The following ARHGEF28 variants were observed in gnomAD, a reference collection of about 807,000 sequenced individuals.
The protein encoded by ARHGEF28 is 190 kDa guanine nucleotide exchange factor.
A neutral mutation model predicts 206.6 loss-of-function variants in ARHGEF28; 152 were observed. The ratio of observed to expected loss-of-function variants is 0.74; its 90% CI spans 0.64 to 0.84. ARHGEF28 has a LOEUF of 0.84. ARHGEF28 is among the 40% of genes least tolerant of loss of function. ARHGEF28 has a pLI of 0.00. For missense variants in ARHGEF28, 2,028 were observed against 2,073.2 expected, an observed-to-expected ratio of 0.98 and a Z score of 0.42; for synonymous variants, 763 against 776.4, an observed-to-expected ratio of 0.98 and a Z score of 0.29.
chr5:73,797,649 G>T (rs1424235187), intron 9 of ARHGEF28, among the ~76,000 whole-genome samples: 1 of 152,132 alleles, frequency 6.6e-6, no homozygotes, highest in Admixed American at 6.5e-5. Flanking sequence ...CTCCTAAAGT[G>T]CTGGGATTAC....
At chr5:73,822,535 G>C (rs772086034) in intron 9 of ARHGEF28, among the ~76,000 whole-genome samples, 3 of 152,170 alleles carry the variant, frequency 2.0e-5, no homozygotes, top group Non-Finnish European at 2.9e-5. Context: ...ACTCAGAAGA[G>C]TATGGCCAAG....
intron 2 of ARHGEF28, among the ~76,000 whole-genome samples, chr5:73,707,166 C>T (rs937384698): frequency 2.6e-5 from 4 of 152,164 alleles, no homozygotes; most frequent in South Asian, 4.2e-4. Flanking sequence ...CTACCCTACG[C>T]GAGCAGCTGG....
At chr5:73,690,589 T>C (rs1747761083) in intron 2 of ARHGEF28, among the ~76,000 whole-genome samples, 1 of 149,122 alleles carries the variant, frequency 6.7e-6, no homozygotes, top group South Asian at 2.1e-4. Flanking sequence ...TCCCAGCTAC[T>C]TGGGAGGCTG....
intron 35 of ARHGEF28, among the ~76,000 whole-genome samples, chr5:73,923,824 G>A (rs897255436): frequency 6.6e-6 from 1 of 152,018 alleles, no homozygotes; most frequent in Non-Finnish European, 1.5e-5. Flanking sequence ...TTGCATGAAG[G>A]GATAATTAAA....
chr5:73,870,038 T>C lies in ARHGEF28; in HGVS notation c.2426-31T>C, dbSNP rs368957149. ...GTATATTTGTGCTGCATTATTGTAC[T>C]TCTGGCTTTTCTTTTCTAAACACAC... On this transcript the variant is annotated intron_variant, in intron 20 of 35. Transcript: ENST00000513042. 63 of 1,604,182 alleles carry C rather than the reference T, an allele frequency of 3.9e-5. No homozygotes were observed. The African/African-American group carries it at 7.3e-4, about 19-fold the overall frequency.
chr5:73,789,803 C>T (rs901159357), intron 7 of ARHGEF28, among the ~76,000 whole-genome samples: 3 of 152,132 alleles, frequency 2.0e-5, no homozygotes, highest in Non-Finnish European at 4.4e-5. Flanking sequence ...GCTGCACACA[C>T]ACTCAGTTTG....
At chr5:73,686,761 A>G (rs1182997982) in intron 2 of ARHGEF28, among the ~76,000 whole-genome samples, 2 of 151,994 alleles carry the variant, frequency 1.3e-5, no homozygotes, top group African/African-American at 4.8e-5. Flanking sequence ...TGACCTCGTG[A>G]TCTGCCTGCC....
intron 13 of ARHGEF28, among the ~76,000 whole-genome samples, chr5:73,851,577 G>A (rs999519626): frequency 1.6e-4 from 24 of 152,156 alleles, no homozygotes; most frequent in Admixed American, 1.4e-3. Context: ...GGGGGACAAA[G>A]GGGTTCAGCA....
chr5:73,738,251 A>T (rs1481169777), intron 2 of ARHGEF28, among the ~76,000 whole-genome samples: 1 of 152,140 alleles, frequency 6.6e-6, no homozygotes, highest in Non-Finnish European at 1.5e-5. Context: ...ATGGAAGGTG[A>T]CCACCAGGGA....
intron 2 of ARHGEF28, among the ~76,000 whole-genome samples, chr5:73,693,386 G>T (rs890319306): frequency 2.6e-5 from 4 of 152,168 alleles, no homozygotes; most frequent in African/African-American, 9.7e-5. Context: ...GATGCTGCTG[G>T]TAACTATGTC....
chr5:73,647,279 T>C (rs1272618888), intron 1 of ARHGEF28, among the ~76,000 whole-genome samples: 1 of 152,238 alleles, frequency 6.6e-6, no homozygotes, highest in Non-Finnish European at 1.5e-5. Flanking sequence ...ATGTAAATTT[T>C]ATATTTAGAC....
intron 22 of ARHGEF28, 87 bp from the exon 23 acceptor site, chr5:73,882,385 A>G (rs1403778998): frequency 1.0e-6 from 1 of 971,288 alleles, no homozygotes; most frequent in Non-Finnish European, 1.4e-6. Flanking sequence ...TGCAAATACT[A>G]TTTTGAAATA....
In ARHGEF28 at chr5:73,883,894, G is replaced by A. The variant is rs1440638795; in HGVS notation, c.3055+10G>A. ...TTGCAGTACACAAAGGGTAAGTTGT[G>A]ACTTCTGGGATAAAAATTTGCCCCT... On this transcript the variant is annotated intron_variant, in intron 24 of 35. Coordinates refer to ENST00000513042, the MANE Select transcript of ARHGEF28 (RefSeq NM_001177693.2). 4 of 1,477,042 alleles carry A rather than the reference G, an allele frequency of 2.7e-6. No individual in the cohort carries two copies. The South Asian group carries it at 5.6e-5, about 21-fold the overall frequency. The allele number at this position is 1,477,042 out of a possible 1,614,324, so 91.5% of individuals were successfully genotyped here.
chr5:73,770,668 C>A (rs1399855986), intron 4 of ARHGEF28, among the ~76,000 whole-genome samples: 1 of 152,170 alleles, frequency 6.6e-6, no homozygotes, highest in East Asian at 1.9e-4. Flanking sequence ...TGTCATGATG[C>A]TTCCTATTTC....
At chr5:73,683,797 G>A (rs980665549) in intron 1 of ARHGEF28, among the ~76,000 whole-genome samples, 4 of 152,150 alleles carry the variant, frequency 2.6e-5, no homozygotes, top group African/African-American at 9.7e-5. Context: ...CTGGCCAAAA[G>A]TGGACTCTGA....
intron 22 of ARHGEF28, among the ~76,000 whole-genome samples, chr5:73,876,136 G>A (rs1452605357): frequency 1.3e-5 from 2 of 149,292 alleles, no homozygotes; most frequent in African/African-American, 5.0e-5. Flanking sequence ...GGTGCTTCAC[G>A]TCCCTTGTAA....
intron 34 of ARHGEF28, among the ~76,000 whole-genome samples, chr5:73,910,381 C>CAA (rs60086897): frequency 0.069 from 2,136 of 30,834 alleles, 142 homozygotes; most frequent in Non-Finnish European, 0.082. Flanking sequence ...AACACCATCT[C>CAA]AAAAAAAAAA....
intron 33 of ARHGEF28, chr5:73,908,259 A>T (rs1180248407): frequency 3.3e-5 from 5 of 152,216 alleles, no homozygotes; most frequent in Non-Finnish European, 7.4e-5. Flanking sequence ...ACAAGTATGA[A>T]TTTAAAATAT....
rs76850441 is a variant in ARHGEF28, at chr5:73,810,346, C to T, written c.1024+14955C>T. ...CAATACTGTTTCAGAATAATTTTGA[C>T]ATCAAGAATCACTTGATATGTAACT... On this transcript the variant is annotated intron_variant, in intron 9 of 35. Transcript: ENST00000513042. 1.7e-3 allele frequency among the ~76,000 whole-genome samples: 265 copies of T among 152,300 alleles called. 8 individuals are homozygous for T. The East Asian group carries it at 0.046, about 26-fold the overall frequency.
Sources: allele counts gnomAD v4.1 joint callset (sites outside exome capture counted in the v4.1 genomes callset), GRCh38; gene constraint gnomAD v4.1.1; transcripts MANE v1.5; gene names NCBI Gene and HGNC (gene_info 2026-07-23, HGNC 2026-07-21).